The following HDAC9 variants were observed in gnomAD, a reference collection of about 807,000 sequenced individuals.
The protein encoded by HDAC9 is MEF-2 interacting transcription repressor (MITR) protein.
In HDAC9, 41 loss-of-function variants were observed where a neutral mutation model predicts 139.4. The observed-to-expected ratio is 0.29, with a 90% CI of 0.23 to 0.38. The LOEUF (loss-of-function observed/expected upper bound fraction) is 0.38. Among genes scored for constraint, HDAC9 ranks in the 10% least tolerant of loss-of-function variants. The pLI is 1.00. For missense variants in HDAC9, 1,147 were observed against 1,297.0 expected (o/e 0.88, Z 1.78); for synonymous variants, 517 against 476.2 (o/e 1.09, Z -1.12).
chr7:18,106,720 C>G (rs971024555), intron 1 of HDAC9, among the ~76,000 whole-genome samples: 2 of 152,166 alleles, frequency 1.3e-5, no homozygotes, highest in African/African-American at 4.8e-5. Flanking sequence ...TCCCAGTGTG[C>G]TGGGATTACA....
At chr7:18,806,242 C>A (rs777097357) in intron 17 of HDAC9, among the ~76,000 whole-genome samples, 3 of 152,158 alleles carry the variant, frequency 2.0e-5, no homozygotes, top group Non-Finnish European at 4.4e-5. Context: ...AACAAATTAC[C>A]CCAAATTTGG....
intron 1 of HDAC9, among the ~76,000 whole-genome samples, chr7:18,160,761 C>A (rs964770125): frequency 6.6e-6 from 1 of 151,980 alleles, no homozygotes; most frequent in Non-Finnish European, 1.5e-5. Context: ...GGATTACAGG[C>A]GCCCACCACC....
intron 1 of HDAC9, among the ~76,000 whole-genome samples, chr7:18,411,605 G>T (rs1788558214): frequency 6.6e-6 from 1 of 152,102 alleles, no homozygotes; most frequent in African/African-American, 2.4e-5. Flanking sequence ...TTGATCTCCT[G>T]ACCTCGTGAT....
chr7:18,594,152 G>GC (rs1302416898), intron 6 of HDAC9, 123 bp downstream of exon 6: 29 of 890,332 alleles, frequency 3.3e-5, no homozygotes, highest in Non-Finnish European at 3.5e-6. Context: ...CCCCACCCCT[G>GC]CCCCCAGCAT....
intron 25 of HDAC9, among the ~76,000 whole-genome samples, chr7:18,984,462 G>A (rs1452246495): frequency 6.6e-6 from 1 of 152,108 alleles, no homozygotes; most frequent in East Asian, 1.9e-4. Flanking sequence ...CACAGAGAGA[G>A]AGAGAGATAA....
At chr7:18,588,155 G>A (rs926616328) in intron 3 of HDAC9, among the ~76,000 whole-genome samples, 7 of 152,152 alleles carry the variant, frequency 4.6e-5, no homozygotes, top group Non-Finnish European at 1.0e-4. Context: ...TTGATATACA[G>A]AGTTAGCTTC....
At chr7:18,260,001 A>G (rs1207988591) in intron 2 of HDAC9, among the ~76,000 whole-genome samples, 1 of 152,210 alleles carries the variant, frequency 6.6e-6, no homozygotes, top group Non-Finnish European at 1.5e-5. Flanking sequence ...TTCCCACAAT[A>G]GTATGAGCCT....
intron 6 of HDAC9, among the ~76,000 whole-genome samples, chr7:18,626,089 T>G (rs958519541): frequency 6.6e-6 from 1 of 151,940 alleles, no homozygotes; most frequent in Non-Finnish European, 1.5e-5. Flanking sequence ...TTAAATGAAC[T>G]GCTTAGGGAA....
intron 1 of HDAC9, among the ~76,000 whole-genome samples, chr7:18,374,218 T>C (rs76686856): frequency 0.067 from 9,705 of 145,216 alleles, 674 homozygotes; most frequent in East Asian, 0.18. Flanking sequence ...TATATATATA[T>C]ACACACACAC....
chr7:18,165,683 A>G (rs958185529), intron 2 of HDAC9, among the ~76,000 whole-genome samples: 1 of 151,824 alleles, frequency 6.6e-6, no homozygotes, highest in African/African-American at 2.4e-5. Context: ...CCTGCTACTT[A>G]GGAAGCTGAG....
chr7:18,262,065 G>C (rs978126592), intron 2 of HDAC9, among the ~76,000 whole-genome samples: 1 of 152,126 alleles, frequency 6.6e-6, no homozygotes, highest in African/African-American at 2.4e-5. Context: ...AGGACCATTT[G>C]AACACTGATA....
intron 21 of HDAC9, among the ~76,000 whole-genome samples, chr7:18,838,520 A>G (rs915685761): frequency 6.6e-6 from 1 of 152,050 alleles, no homozygotes; most frequent in African/African-American, 2.4e-5. Flanking sequence ...ATTGGTAGAA[A>G]GAAAATGAAT....
At chr7:18,232,436 T>C (rs1562774592) in intron 2 of HDAC9, among the ~76,000 whole-genome samples, 2 of 152,218 alleles carry the variant, frequency 1.3e-5, no homozygotes, top group African/African-American at 2.4e-5. Context: ...TATAAACTTT[T>C]CTGTGTTCTG....
chr7:18,816,958 C>A (rs1301164348), intron 17 of HDAC9, among the ~76,000 whole-genome samples: 2 of 151,974 alleles, frequency 1.3e-5, no homozygotes, highest in Admixed American at 1.3e-4. Flanking sequence ...ATTTTTTGGG[C>A]CCTATTCAAC....
chr7:18,280,983 A>C (rs1455570986), intron 2 of HDAC9, among the ~76,000 whole-genome samples: 2 of 152,134 alleles, frequency 1.3e-5, no homozygotes, highest in Non-Finnish European at 2.9e-5. Context: ...TGAACCTCAC[A>C]TGTGATTTGA....
At chr7:18,564,237 A>G (rs1182255553) in intron 2 of HDAC9, among the ~76,000 whole-genome samples, 1 of 151,700 alleles carries the variant, frequency 6.6e-6, no homozygotes, top group African/African-American at 2.4e-5. Flanking sequence ...CAACCATACA[A>G]TTGAAAAAAA....
At chr7:18,703,640 A>T (rs1338559980) in intron 12 of HDAC9, among the ~76,000 whole-genome samples, 1 of 152,180 alleles carries the variant, frequency 6.6e-6, no homozygotes, top group East Asian at 1.9e-4. Context: ...ATGCATGTTT[A>T]TGAAGGATTT....
chr7:18,696,606 T>C (rs890318074), intron 12 of HDAC9, among the ~76,000 whole-genome samples: 11 of 151,974 alleles, frequency 7.2e-5, no homozygotes, highest in African/African-American at 2.4e-4. Flanking sequence ...TAGCTGGGAC[T>C]ACAGATGCAC....
At chr7:18,454,192 G>T (rs891876863) in intron 1 of HDAC9, among the ~76,000 whole-genome samples, 3 of 152,020 alleles carry the variant, frequency 2.0e-5, no homozygotes, top group African/African-American at 7.2e-5. Flanking sequence ...AAATACTGGA[G>T]ATTTACAAAA....
Sources: gnomAD v4.1 joint callset for allele counts (sites outside exome capture counted in the v4.1 genomes callset) on GRCh38, gnomAD v4.1.1 for gene constraint, MANE v1.5 for transcripts, NCBI Gene and HGNC (gene_info 2026-07-23, HGNC 2026-07-21) for gene names.